Variants in MED27 observed in about 807,000 individuals in gnomAD.
The protein encoded by MED27 is mediator complex subunit 27, also known as mediator of RNA polymerase II transcription subunit 27.
In MED27, 30 loss-of-function variants were observed where a neutral mutation model predicts 38.2. The observed-to-expected ratio is 0.79, with a 90% CI of 0.59 to 1.07. MED27 has a LOEUF of 1.07. Among genes scored for constraint, MED27 ranks in the 50% least tolerant of loss-of-function variants. The pLI is 0.00. For synonymous variants in MED27, 122 were observed against 153.5 expected, an observed-to-expected ratio of 0.79 and a Z score of 1.52; for missense variants, 289 against 397.5, an observed-to-expected ratio of 0.73 and a Z score of 2.32.
chr9:131,916,668 T>C (rs1039671867), intron 4 of MED27, among the ~76,000 whole-genome samples: 2 of 152,166 alleles, frequency 1.3e-5, no homozygotes, highest in African/African-American at 4.8e-5. Flanking sequence ...CTGTATCTAG[T>C]ACCAAGGGCT....
At chr9:131,873,035 A>C (rs1473431234) in intron 6 of MED27, among the ~76,000 whole-genome samples, 1 of 152,226 alleles carries the variant, frequency 6.6e-6, no homozygotes. Flanking sequence ...CAGAGATCAG[A>C]ATGGACTTTC....
intron 6 of MED27, among the ~76,000 whole-genome samples, chr9:131,875,897 ACG>A (rs1363171081): frequency 1.3e-5 from 2 of 152,192 alleles, no homozygotes; most frequent in Admixed American, 6.5e-5. Context: ...GGCATGACCC[ACG>A]CGCCCGGCTG....
In MED27 at chr9:131,982,905, G is replaced by A. The variant is rs183123322; in HGVS notation, c.479+31432C>T. Reference sequence around the variant, plus strand: ...GTAGTAGGCTAGTGGGCCTTGGTTTGCCAATCACTGCTCTAGTCAATGTTT... The same window carrying A: ...GTAGTAGGCTAGTGGGCCTTGGTTTACCAATCACTGCTCTAGTCAATGTTT... On this transcript the variant is annotated intron_variant, in intron 3 of 7. Coordinates refer to ENST00000292035, the MANE Select transcript of MED27 (RefSeq NM_004269.4). This position sits in a 1 kb window ranked among gnomAD's most constrained non-coding sequence, Gnocchi z 4.3. Among the ~76,000 whole-genome samples the A allele has an allele frequency of 3.0e-4, 45 of 152,322 alleles. No homozygotes were observed. Among genetic ancestry groups the A allele is most frequent in the African/African-American group, 1.0e-3 (43 of 41,564 alleles).
At chr9:131,894,037 CAA>C (rs1564272316) in intron 4 of MED27, 45 bp from the exon 5 acceptor site, 3 of 1,497,538 alleles carry the variant, frequency 2.0e-6, no homozygotes, top group Non-Finnish European at 2.8e-6. Flanking sequence ...GCAAATCACA[CAA>C]AGTTGGGCAG....
At chr9:132,053,223 A>G (rs1435016975) in intron 2 of MED27, among the ~76,000 whole-genome samples, 1 of 151,378 alleles carries the variant, frequency 6.6e-6, no homozygotes, top group Non-Finnish European at 1.5e-5. Flanking sequence ...ACTGCGCTCC[A>G]GCCTGGGCGA....
At chr9:131,981,374 C>A (rs573618957) in intron 3 of MED27, among the ~76,000 whole-genome samples, 155 of 152,268 alleles carry the variant, frequency 1.0e-3, no homozygotes, top group Non-Finnish European at 2.0e-3. Context: ...GGAATCTGGG[C>A]CCATGTGCTC....
At chr9:132,014,499 A>G (rs765842859) in intron 2 of MED27, 32 bp from the exon 3 acceptor site, 12 of 1,606,346 alleles carry the variant, frequency 7.5e-6, no homozygotes, top group Middle Eastern at 1.7e-4. Context: ...AAGGGGAAGA[A>G]AAATAGCATT....
chr9:131,921,816 T>C (rs1003935932), intron 4 of MED27, among the ~76,000 whole-genome samples: 1 of 152,174 alleles, frequency 6.6e-6, no homozygotes, highest in African/African-American at 2.4e-5. Flanking sequence ...ATGTGGTACA[T>C]ACACACCATG....
chr9:132,040,808 C>T (rs1249912242), intron 2 of MED27, among the ~76,000 whole-genome samples: 1 of 152,182 alleles, frequency 6.6e-6, no homozygotes, highest in Non-Finnish European at 1.5e-5. Flanking sequence ...CTAGGAAGGC[C>T]CAGGCAACGG....
chr9:131,892,116 T>C (rs1229998610), intron 5 of MED27, among the ~76,000 whole-genome samples: 1 of 151,674 alleles, frequency 6.6e-6, no homozygotes, highest in Non-Finnish European at 1.5e-5. Context: ...GTGGGTGACA[T>C]GGATGAGAAT....
At chr9:131,909,306 G>C (rs1260969561) in intron 4 of MED27, among the ~76,000 whole-genome samples, 2 of 152,236 alleles carry the variant, frequency 1.3e-5, no homozygotes, top group Non-Finnish European at 2.9e-5. Flanking sequence ...GGCTGAGCTA[G>C]AGATAGTTCA....
chr9:132,019,433 T>C (rs138544940), intron 2 of MED27, among the ~76,000 whole-genome samples: 3 of 152,316 alleles, frequency 2.0e-5, no homozygotes, highest in East Asian at 3.9e-4. Flanking sequence ...ACTGTCAAGA[T>C]AGAACCACAG....
intron 2 of MED27, among the ~76,000 whole-genome samples, chr9:132,015,080 A>G (rs560358458): frequency 3.3e-5 from 5 of 152,340 alleles, no homozygotes; most frequent in African/African-American, 9.6e-5. Context: ...CATGACCACG[A>G]CATGGCTTAT....
At chr9:131,945,174 A>G (rs980115124) in intron 3 of MED27, among the ~76,000 whole-genome samples, 28 of 148,488 alleles carry the variant, frequency 1.9e-4, no homozygotes, top group Non-Finnish European at 3.0e-4. Context: ...ATAAAAATAT[A>G]TTTGTTGCAG....
chr9:131,934,179 G>A (rs1169937767), intron 4 of MED27, among the ~76,000 whole-genome samples: 2 of 152,134 alleles, frequency 1.3e-5, no homozygotes, highest in African/African-American at 4.8e-5. Context: ...ACTATTACAA[G>A]AAAATGTTGG....
chr9:131,978,957 T>C (rs1010478637), intron 3 of MED27, among the ~76,000 whole-genome samples: 1 of 152,220 alleles, frequency 6.6e-6, no homozygotes, highest in African/African-American at 2.4e-5. Flanking sequence ...TCTTCCTTTA[T>C]ACTACAAAGC....
At chr9:132,004,782 C>A (rs1329774199) in intron 3 of MED27, among the ~76,000 whole-genome samples, 1 of 152,192 alleles carries the variant, frequency 6.6e-6, no homozygotes, top group Non-Finnish European at 1.5e-5. Flanking sequence ...TAGGAACGCA[C>A]GTCCAGAACA....
At chr9:131,988,438 A>ACC (rs1350636400) in intron 3 of MED27, among the ~76,000 whole-genome samples, 1 of 152,182 alleles carries the variant, frequency 6.6e-6, no homozygotes, top group Non-Finnish European at 1.5e-5. Flanking sequence ...AGCAAGACCA[A>ACC]CCCCTCCTTG....
intron 6 of MED27, among the ~76,000 whole-genome samples, chr9:131,864,640 G>A (rs1431747009): frequency 3.9e-5 from 6 of 152,238 alleles, no homozygotes. Flanking sequence ...CCATGCAGGC[G>A]CAGAGCAAGC....
Sources: allele counts gnomAD v4.1 joint callset (sites outside exome capture counted in the v4.1 genomes callset), GRCh38; gene constraint gnomAD v4.1.1; non-coding constraint Gnocchi (gnomAD v3.1); transcripts MANE v1.5; gene names NCBI Gene and HGNC (gene_info 2026-07-23, HGNC 2026-07-21).